Variants in TECPR1 observed in about 807,000 individuals in gnomAD.
TECPR1 encodes tectonin beta-propeller repeat-containing protein 1.
A neutral mutation model predicts 162.4 loss-of-function variants in TECPR1; 122 were observed. The observed-to-expected ratio is 0.75, with a 90% CI of 0.65 to 0.87. TECPR1 has a LOEUF of 0.87. Among genes scored for constraint, TECPR1 ranks in the 40% least tolerant of loss-of-function variants. TECPR1 has a pLI of 0.00. For synonymous variants in TECPR1, 642 were observed against 670.6 expected (o/e 0.96, Z 0.66); for missense variants, 1,432 against 1,618.2 (o/e 0.88, Z 1.97).
Position 98,217,263 on chromosome 7 carries a change from G to C in TECPR1, c.*127C>G. 1.5e-6 allele frequency: 1 copy of C among 668,500 alleles called. No homozygotes were observed. Among genetic ancestry groups the C allele is most frequent in the East Asian group, 2.8e-5 (1 of 36,190 alleles). The allele number at this position is 668,500 out of a possible 1,614,324, so 41.4% of individuals were successfully genotyped here. A position where few individuals can be genotyped will look rare whatever the true frequency, so the allele number is the denominator to read the frequency against. ...GCCTCTGAAGTGGCCGCAGCCTTGG[G>C]GCCAGGTTCCCTCCTGAGTCCACCT... On this transcript the variant is annotated 3_prime_UTR_variant, in exon 26 of 26. Coordinates refer to ENST00000447648, the MANE Select transcript of TECPR1 (RefSeq NM_015395.3).
At chr7:98,217,627 C>T (rs1798046124) in intron 25 of TECPR1, 65 bp downstream of exon 25, 1 of 1,519,636 alleles carries the variant, frequency 6.6e-7, no homozygotes, top group Non-Finnish European at 8.8e-7. Context: ...AGTGGTCGTC[C>T]CGTCTTCAGC....
At position 98,249,161 on chromosome 7, in the gene TECPR1, G is replaced by A. The variant is rs114418461; in HGVS notation, c.-20+2233C>T. ...CAAAGTGCTACGATTACAGGCAGGA[G>A]CCCCTGGCCCTGGCTGGGACAAGGT... On this transcript the variant is annotated intron_variant, in intron 2 of 25. Transcript: ENST00000447648. Among the ~76,000 whole-genome samples, 856 of 152,216 alleles carry A rather than the reference G, an allele frequency of 5.6e-3. 4 individuals are homozygous for A. Among genetic ancestry groups the A allele is most frequent in the African/African-American group, 0.02 (815 of 41,548 alleles).
At chr7:98,238,667 G>A (rs891934911) in intron 8 of TECPR1, 57 bp from the exon 9 acceptor site, 33 of 1,399,700 alleles carry the variant, frequency 2.4e-5, no homozygotes, top group South Asian at 8.6e-5. Flanking sequence ...CAGACGGTTC[G>A]TTCGTTTAAG....
rs1177967323 is a variant in TECPR1 at position 98,231,907 on chromosome 7, T to A, written c.1871A>T (p.His624Leu). The change falls in exon 13 of 26, where the codon CAC becomes CTC. Residue 624 changes from histidine to leucine, a missense_variant. His to Leu is a moderately conservative substitution (Grantham distance 99). Coordinates refer to ENST00000447648, the MANE Select transcript of TECPR1 (RefSeq NM_015395.3). ...ALQWWCDWKPHKWVDVRLALE... is the reference protein window; with the variant it reads ...ALQWWCDWKPLKWVDVRLALE... ...GGCCAAGCGCACGTCCACCCACTTG[T>A]GGGGCTTCCAGTCGCACCACCACTG... 2 of 1,611,088 alleles carry A rather than the reference T, an allele frequency of 1.2e-6. No individual in the cohort carries two copies. Among genetic ancestry groups the A allele is most frequent in the Non-Finnish European group, 1.7e-6 (2 of 1,179,802 alleles).
Position 98,217,120 on chromosome 7 carries a change from G to A in TECPR1, c.*270C>T. ...AAGGGAGAGGGGAAGGGAAGGGTGG[G>A]AGGGGCCTCTGGGAGGTGCAGCCCC... On this transcript the variant is annotated 3_prime_UTR_variant, in exon 26 of 26. Coordinates refer to ENST00000447648, the MANE Select transcript of TECPR1 (RefSeq NM_015395.3). 1 of 392,514 alleles carries A rather than the reference G, an allele frequency of 2.5e-6. No individual in the cohort carries two copies. 24.3% of individuals were successfully genotyped at this position (392,514 alleles called of 1,614,324 possible).
At chr7:98,222,302 A>C (rs1562933270) in intron 22 of TECPR1, 84 bp downstream of exon 22, 2 of 1,497,590 alleles carry the variant, frequency 1.3e-6, no homozygotes, top group Admixed American at 4.3e-5. Flanking sequence ...CTTCTGGGGG[A>C]CCCTGGCCCA....
At chr7:98,245,159 G>T in intron 3 of TECPR1, 92 bp from the exon 4 acceptor site, 1 of 1,383,056 alleles carries the variant, frequency 7.2e-7, no homozygotes, top group Non-Finnish European at 9.9e-7. Context: ...AGCTGACCCT[G>T]CCCAGCCGAC....
chr7:98,225,802 T>G (rs1798268652), intron 17 of TECPR1, among the ~76,000 whole-genome samples: 1 of 152,144 alleles, frequency 6.6e-6, no homozygotes, highest in Non-Finnish European at 1.5e-5. Flanking sequence ...CACAGACACA[T>G]GCCACCATAC....
chr7:98,238,713 G>T, intron 8 of TECPR1, 103 bp from the exon 9 acceptor site: 1 of 988,218 alleles, frequency 1.0e-6, no homozygotes, highest in Non-Finnish European at 1.6e-6. Context: ...TGATCCTTTG[G>T]TTCACGTCGC....
chr7:98,245,020 G>T lies in TECPR1; in HGVS notation c.273C>A (p.Asp91Glu). ...GGFCEKLLLSDRWGWSDVSGL... is the reference protein window; with the variant it reads ...GGFCEKLLLSERWGWSDVSGL... The stretch of plus-strand genomic sequence containing the variant: ...CACTCACGTCACTCCACCCCCAGCG[G>T]TCACTCAGCAGGAGCTTCTCACAGA... The change falls in exon 4 of 26, where the codon GAC becomes GAA. Residue 91 changes from aspartate to glutamate, a missense_variant. Transcript: ENST00000447648. The T allele has an allele frequency of 6.2e-7, 1 of 1,606,740 alleles. No homozygotes were observed. Among genetic ancestry groups the T allele is most frequent in the Non-Finnish European group, 8.5e-7 (1 of 1,177,260 alleles).
chr7:98,244,085 C>T (rs1351624497), intron 5 of TECPR1, among the ~76,000 whole-genome samples: 1 of 152,146 alleles, frequency 6.6e-6, no homozygotes, highest in African/African-American at 2.4e-5. Context: ...AAAATAGGGC[C>T]AGCTCCCTGG....
chr7:98,223,107 C>T lies in TECPR1; in HGVS notation c.2811G>A (p.Val937=), dbSNP rs1261882781. 6.2e-7 allele frequency: 1 copy of T among 1,604,324 alleles called. No individual in the cohort carries two copies. The highest frequency in any genetic ancestry group is 8.5e-7 in the Non-Finnish European group (1 of 1,176,108). ...CACCCGGGCTCTCCGGGATGATGGA[C>T]ACGTCCCTGAGGGCGATGGGGGGCA... ...LEVPPIALRD[V]SIIPESPGAE... is the part of the protein sequence containing the mutation. Residue 937 remains valine (V), a synonymous_variant, in exon 21 of 26, where the codon GTG becomes GTA. Transcript: ENST00000447648.
intron 8 of TECPR1, among the ~76,000 whole-genome samples, chr7:98,239,189 A>G (rs946281417): frequency 1.3e-5 from 2 of 152,182 alleles, no homozygotes. Flanking sequence ...CTCTTCTTAT[A>G]CATTCTCCAT....
At chr7:98,233,177 G>C (rs918565231) in intron 11 of TECPR1, 3 of 781,894 alleles carry the variant, frequency 3.8e-6, no homozygotes, top group Non-Finnish European at 5.8e-6. Flanking sequence ...CGCTAGCACA[G>C]GGGAGGGGCT....
intron 9 of TECPR1, 141 bp from the exon 10 acceptor site, chr7:98,237,062 G>T: frequency 1.0e-6 from 1 of 953,792 alleles, no homozygotes; most frequent in Non-Finnish European, 1.5e-6. Flanking sequence ...GGGCTGTGTG[G>T]TGGGCACAGA....
rs1370961394 is a variant in TECPR1 at position 98,233,895 on chromosome 7, C to T, written c.1198G>A (p.Gly400Ser). Residue 400 changes from glycine to serine, a missense_variant, in exon 11 of 26, where the codon GGT (glycine) becomes AGT (serine). By Grantham distance (56) the Gly-to-Ser change is moderately conservative (BLOSUM62 0). Transcript: ENST00000447648. ...TCGCCACTACCCCTCACCTCATCAC[C>T]GAAGAAGCAGCCGGCACTGGGGACA... is the stretch of plus-strand genomic sequence containing the variant. ...SSLLSAGCFFGDEVRGSGESA... is the reference protein window; with the variant it reads ...SSLLSAGCFFSDEVRGSGESA... The T allele has an allele frequency of 5.8e-6, 9 of 1,538,656 alleles. No individual in the cohort carries two copies. The highest frequency in any genetic ancestry group is 4.9e-5 in the East Asian group (2 of 40,728).
In TECPR1 at chr7:98,223,698, G is replaced by C; in HGVS notation, c.2711C>G (p.Thr904Arg). The stretch of plus-strand genomic sequence containing the variant: ...CCTCCTCCTCACAAAATCCTTCATC[G>C]TTTTGGACCCATGGTATGAGCTGCA... ...DFPASYHGSK[T>R]MKDFVRRRCW... The change falls in exon 20 of 26, where the codon ACG becomes AGG. Residue 904 changes from threonine to arginine, a missense_variant. Physicochemically the swap from Thr to Arg is moderately conservative, Grantham distance 71. Transcript: ENST00000447648. 1 of 1,613,728 alleles carries C rather than the reference G, an allele frequency of 6.2e-7. No individual in the cohort carries two copies. The highest frequency in any genetic ancestry group is 8.5e-7 in the Non-Finnish European group (1 of 1,179,806).
At position 98,232,445 on chromosome 7, in the gene TECPR1, G is replaced by C. The variant is rs905915476; in HGVS notation, c.1818+382C>G. On this transcript the variant is annotated intron_variant, in intron 12 of 25. Coordinates refer to ENST00000447648, the MANE Select transcript of TECPR1 (RefSeq NM_015395.3). The surrounding 1 kb of genome is among the most constrained non-coding windows in gnomAD (Gnocchi z 4.6). ...GCAGAAGCAGGGTCAGCCCAGGGGT[G>C]GGGTCTCCGGCCGCCCTCTGTGCTA... Among the ~76,000 whole-genome samples the C allele has an allele frequency of 6.6e-6, 1 of 151,956 alleles. No homozygotes were observed. The highest frequency in any genetic ancestry group is 1.5e-5 in the Non-Finnish European group (1 of 67,970).
chr7:98,228,076 G>A lies in TECPR1; in HGVS notation c.2451C>T (p.Asp817=), dbSNP rs368583090. ...TCTCATAGATGTGAACACACTTCAC[G>A]TCTGACTGCGTGTAGATGTTACTGG... ...SSTSNIYTQS[D]VKCVHIYENQ... is the part of the protein sequence containing the mutation. Residue 817 remains aspartate (D), a synonymous_variant, in exon 17 of 26, where the codon GAC becomes GAT. Coordinates refer to ENST00000447648, the MANE Select transcript of TECPR1 (RefSeq NM_015395.3). The A allele has an allele frequency of 3.8e-5, 62 of 1,612,698 alleles. No individual in the cohort carries two copies. Among genetic ancestry groups the A allele is most frequent in the East Asian group, 1.1e-4 (5 of 44,874 alleles).
Sources: allele counts gnomAD v4.1 joint callset (sites outside exome capture counted in the v4.1 genomes callset), GRCh38; gene constraint gnomAD v4.1.1; non-coding constraint Gnocchi (gnomAD v3.1); transcripts MANE v1.5; gene names NCBI Gene and HGNC (gene_info 2026-07-23, HGNC 2026-07-21).